The following CHCHD3 variants were observed in gnomAD, a reference collection of about 807,000 sequenced individuals.
CHCHD3 encodes coiled-coil-helix-coiled-coil-helix domain containing 3, also known as MICOS complex subunit MIC19.
A neutral mutation model predicts 38.2 loss-of-function variants in CHCHD3; 20 were observed. The observed-to-expected ratio is 0.52, with a 90% CI of 0.37 to 0.76. The LOEUF is 0.76. Among genes scored for constraint, CHCHD3 ranks in the 30% least tolerant of loss-of-function variants. The pLI is 0.00. For missense variants in CHCHD3, 245 were observed against 279.2 expected (o/e 0.88, Z 0.87); for synonymous variants, 82 against 100.0 (o/e 0.82, Z 1.07).
intron 6 of CHCHD3, among the ~76,000 whole-genome samples, chr7:132,803,764 A>G (rs1806845306): frequency 6.6e-6 from 1 of 150,388 alleles, no homozygotes; most frequent in South Asian, 2.1e-4. Context: ...GGAGAAAGGG[A>G]AGGAATACAC....
At chr7:133,074,162 T>C (rs1280063796) in intron 1 of CHCHD3, among the ~76,000 whole-genome samples, 1 of 152,210 alleles carries the variant, frequency 6.6e-6, no homozygotes, top group East Asian at 1.9e-4. Flanking sequence ...GATTGCAAGC[T>C]CCTATATATT....
chr7:132,839,564 T>C (rs1807886545), intron 5 of CHCHD3, among the ~76,000 whole-genome samples: 1 of 152,234 alleles, frequency 6.6e-6, no homozygotes, highest in African/African-American at 2.4e-5. Flanking sequence ...CGGTAGTCTA[T>C]TGTGTACCTT....
chr7:132,975,809 T>C (rs934585714), intron 3 of CHCHD3, among the ~76,000 whole-genome samples: 1 of 151,896 alleles, frequency 6.6e-6, no homozygotes, highest in Non-Finnish European at 1.5e-5. Context: ...TACATTCCTG[T>C]AATCCCAGCT....
At chr7:132,949,769 A>G (rs553114604) in intron 4 of CHCHD3, among the ~76,000 whole-genome samples, 3 of 152,312 alleles carry the variant, frequency 2.0e-5, no homozygotes, top group South Asian at 4.1e-4. Context: ...ACCAAGAAAA[A>G]AATATAGAAA....
At chr7:132,901,319 G>A (rs1585620146) in intron 4 of CHCHD3, among the ~76,000 whole-genome samples, 1 of 152,232 alleles carries the variant, frequency 6.6e-6, no homozygotes, top group South Asian at 2.1e-4. Context: ...ATGGAAAGAA[G>A]AGAATGCGCT....
chr7:132,864,996 A>G (rs573836088), intron 5 of CHCHD3, among the ~76,000 whole-genome samples: 32 of 152,336 alleles, frequency 2.1e-4, no homozygotes, highest in African/African-American at 7.7e-4. Flanking sequence ...TTAAAACTTC[A>G]TAGGGTAAAA....
chr7:133,058,684 A>G (rs1562950880), intron 2 of CHCHD3, among the ~76,000 whole-genome samples: 1 of 152,208 alleles, frequency 6.6e-6, no homozygotes. Context: ...TATTGTTTAA[A>G]GTCATGAGAT....
chr7:132,871,440 A>G (rs776479545), intron 5 of CHCHD3, among the ~76,000 whole-genome samples: 10 of 152,156 alleles, frequency 6.6e-5, no homozygotes, highest in Non-Finnish European at 1.3e-4. Flanking sequence ...TTCACAATTT[A>G]TTATGGGTTA....
chr7:132,922,375 A>C (rs1371471284), intron 4 of CHCHD3, among the ~76,000 whole-genome samples: 1 of 152,300 alleles, frequency 6.6e-6, no homozygotes, highest in South Asian at 2.1e-4. Flanking sequence ...CCCTGTGCTC[A>C]TTAATCATCA....
chr7:132,993,949 T>A (rs1812347722), intron 3 of CHCHD3, among the ~76,000 whole-genome samples: 2 of 152,134 alleles, frequency 1.3e-5, no homozygotes, highest in South Asian at 4.1e-4. Flanking sequence ...ACTCCCAGAA[T>A]CCTCTCCATT....
intron 3 of CHCHD3, among the ~76,000 whole-genome samples, chr7:133,010,181 C>G (rs987141191): frequency 1.3e-5 from 2 of 152,160 alleles, no homozygotes; most frequent in Non-Finnish European, 2.9e-5. Context: ...CTCCAAGCTA[C>G]TTTTGTAAAA....
At chr7:132,794,676 G>C (rs1220618323) in intron 7 of CHCHD3, among the ~76,000 whole-genome samples, 1 of 152,078 alleles carries the variant, frequency 6.6e-6, no homozygotes, top group Non-Finnish European at 1.5e-5. Flanking sequence ...GAGAGTGAGG[G>C]GGAAAAAAGA....
At chr7:132,786,458 T>G (rs1314006740) in intron 7 of CHCHD3, among the ~76,000 whole-genome samples, 1 of 152,274 alleles carries the variant, frequency 6.6e-6, no homozygotes, top group South Asian at 2.1e-4. Context: ...AGTTATTTAT[T>G]TGGGAGATGA....
intron 2 of CHCHD3, among the ~76,000 whole-genome samples, chr7:133,060,770 C>T (rs1196600076): frequency 6.6e-6 from 1 of 152,030 alleles, no homozygotes; most frequent in Non-Finnish European, 1.5e-5. Context: ...ATTAGCCAGG[C>T]GTGGTGGCGG....
At chr7:132,844,494 G>GA (rs1449303241) in intron 5 of CHCHD3, among the ~76,000 whole-genome samples, 3 of 152,276 alleles carry the variant, frequency 2.0e-5, no homozygotes, top group Non-Finnish European at 2.9e-5. Flanking sequence ...ATAAACAGCA[G>GA]AAAAAATACT....
intron 3 of CHCHD3, among the ~76,000 whole-genome samples, chr7:132,979,226 G>T (rs769193437): frequency 2.7e-5 from 4 of 146,670 alleles, no homozygotes; most frequent in Non-Finnish European, 5.9e-5. Context: ...AAATAAAACA[G>T]AGGGGCATTA....
chr7:132,871,763 G>A (rs1160301168), intron 5 of CHCHD3, among the ~76,000 whole-genome samples: 2 of 151,602 alleles, frequency 1.3e-5, no homozygotes, highest in Admixed American at 1.3e-4. Flanking sequence ...GTGACTGTGT[G>A]TCACAGGTAC....
At chr7:133,015,458 A>G (rs1453502009) in intron 3 of CHCHD3, among the ~76,000 whole-genome samples, 1 of 152,138 alleles carries the variant, frequency 6.6e-6, no homozygotes, top group African/African-American at 2.4e-5. Context: ...TGGGCCTAAG[A>G]TAAAAGAATT....
At chr7:132,933,638 A>C (rs1265229677) in intron 4 of CHCHD3, among the ~76,000 whole-genome samples, 1 of 152,234 alleles carries the variant, frequency 6.6e-6, no homozygotes, top group Non-Finnish European at 1.5e-5. Context: ...GGGTACCCCC[A>C]ATCTCATAAA....
Sources: allele counts gnomAD v4.1 joint callset (sites outside exome capture counted in the v4.1 genomes callset), GRCh38; gene constraint gnomAD v4.1.1; transcripts MANE v1.5; gene names NCBI Gene and HGNC (gene_info 2026-07-23, HGNC 2026-07-21).